The following PHACTR2 variants were observed in gnomAD, a reference collection of about 807,000 sequenced individuals.
PHACTR2 encodes chromosome 6 open reading frame 56.
PHACTR2 carries 30 observed loss-of-function variants against 76.0 expected under a neutral mutation model. The observed-to-expected ratio is 0.39, with a 90% CI of 0.30 to 0.54. PHACTR2 has a LOEUF of 0.54. Among genes scored for constraint, PHACTR2 ranks in the 20% least tolerant of loss-of-function variants. The probability of loss-of-function intolerance (pLI) is 0.61; values close to 1 mark genes in which losing one functional copy is unlikely to be tolerated. For synonymous variants in PHACTR2, 292 were observed against 292.5 expected (o/e 1.00, Z 0.02); for missense variants, 696 against 781.1 (o/e 0.89, Z 1.30).
At position 143,624,815 on chromosome 6, in the gene PHACTR2, C is replaced by T. The variant is rs1776225675; in HGVS notation, c.13+16493C>T. Among the ~76,000 whole-genome samples, 1 of 151,970 alleles carries T rather than the reference C, an allele frequency of 6.6e-6. No individual in the cohort carries two copies. The highest frequency in any genetic ancestry group is 2.4e-5 in the African/African-American group (1 of 41,370). On this transcript the variant is annotated intron_variant, in intron 1 of 11. Transcript: ENST00000305766. The surrounding 1 kb of genome is among the most constrained non-coding windows in gnomAD (Gnocchi z 4.6). ...TGTCATTGTGCCTACAAGCTGAGTA[C>T]AGTGTCAGATATCAGAGATGGAGAC... is the stretch of plus-strand genomic sequence containing the variant.
At position 143,782,294 on chromosome 6, in the gene PHACTR2, A is replaced by G. The variant is rs1775451132; in HGVS notation, c.1646-925A>G. Among the ~76,000 whole-genome samples the G allele has an allele frequency of 1.3e-5, 2 of 152,192 alleles. No homozygotes were observed. Among genetic ancestry groups the G allele is most frequent in the African/African-American group, 4.8e-5 (2 of 41,456 alleles). ...GTTTTCCTTTTTCAACCTTTTGGTC[A>G]AGGCTTTATATGGTGTTATTTTCCT... On this transcript the variant is annotated intron_variant, in intron 9 of 12. Transcript: ENST00000440869. The surrounding 1 kb of genome is among the most constrained non-coding windows in gnomAD (Gnocchi z 4.6).
At chr6:143,582,978 T>C (rs1775592216) in intron 1 of PHACTR2, among the ~76,000 whole-genome samples, 1 of 152,246 alleles carries the variant, frequency 6.6e-6, no homozygotes, top group African/African-American at 2.4e-5. Context: ...TAGAATTTAA[T>C]TTCAAACTCT....
chr6:143,752,688 C>T (rs1186224915), intron 3 of PHACTR2, among the ~76,000 whole-genome samples: 1 of 151,968 alleles, frequency 6.6e-6, no homozygotes, highest in Non-Finnish European at 1.5e-5. Flanking sequence ...ATTGTTAAGC[C>T]AAAGCAATTC....
At chr6:143,773,512 C>CT (rs1398690380) in intron 7 of PHACTR2, among the ~76,000 whole-genome samples, 1 of 145,792 alleles carries the variant, frequency 6.9e-6, no homozygotes, top group African/African-American at 2.6e-5. Flanking sequence ...TTTCAAATCC[C>CT]TTTTAATTTG....
Position 143,591,008 on chromosome 6 carries a change from G to A in PHACTR2, c.217+53801G>A, listed in dbSNP as rs971928374. Among the ~76,000 whole-genome samples, 9 of 152,070 alleles carry A rather than the reference G, an allele frequency of 5.9e-5. No individual in the cohort carries two copies. The highest frequency in any genetic ancestry group is 1.3e-4 in the Admixed American group (2 of 15,264). ...CGACGTGTATATCCTACCAACAGTC[G>A]GCCAAGTAGAATTGTACTTGTATAA... On this transcript the variant is annotated intron_variant, in intron 1 of 11. Transcript: ENST00000367584. The surrounding 1 kb of genome is among the most constrained non-coding windows in gnomAD (Gnocchi z 6.4).
chr6:143,745,703 C>T (rs1333018070), intron 2 of PHACTR2, among the ~76,000 whole-genome samples: 1 of 144,028 alleles, frequency 6.9e-6, no homozygotes, highest in South Asian at 2.4e-4. Context: ...AACATACTTT[C>T]CGTGCTCGGT....
rs1017246862 is a variant in PHACTR2, at chr6:143,761,406, A to G, written c.694+766A>G. On this transcript the variant is annotated intron_variant, in intron 5 of 12. Coordinates refer to ENST00000440869, the MANE Select transcript of PHACTR2 (RefSeq NM_001100164.2). The surrounding 1 kb of genome is among the most constrained non-coding windows in gnomAD (Gnocchi z 5.2). ...TGCTTGATGCAAAGTGGAAACTCCC[A>G]TTTTTTTAGTGAAGAGGAAGAAAGA... 4.6e-5 allele frequency among the ~76,000 whole-genome samples: 7 copies of G among 152,138 alleles called. No individual in the cohort carries two copies. Among genetic ancestry groups the G allele is most frequent in the Admixed American group, 2.6e-4 (4 of 15,270 alleles).
At chr6:143,714,338 C>T (rs546154788) in intron 2 of PHACTR2, among the ~76,000 whole-genome samples, 6 of 152,302 alleles carry the variant, frequency 3.9e-5, no homozygotes, top group South Asian at 2.1e-4. Flanking sequence ...TGTGTTCTGC[C>T]GCACAGCGAT....
At chr6:143,690,540 G>A (rs1441800713) in intron 1 of PHACTR2, among the ~76,000 whole-genome samples, 4 of 152,172 alleles carry the variant, frequency 2.6e-5, no homozygotes, top group African/African-American at 4.8e-5. Context: ...ATGCTTGGTC[G>A]AGAGCTTGGC....
rs1004606598 is a variant in PHACTR2, at chr6:143,742,391, C to T, written c.215-6594C>T. 2.6e-5 allele frequency among the ~76,000 whole-genome samples: 4 copies of T among 152,176 alleles called. No individual in the cohort carries two copies. The highest frequency in any genetic ancestry group is 7.2e-5 in the African/African-American group (3 of 41,420). ...TCTCCTCTTGCGGAGGCAAGGTGGC[C>T]ACTAGCCACTCTTGCTCATATTTGT... On this transcript the variant is annotated intron_variant, in intron 2 of 12. Coordinates refer to ENST00000440869, the MANE Select transcript of PHACTR2 (RefSeq NM_001100164.2). This position sits in a 1 kb window ranked among gnomAD's most constrained non-coding sequence, Gnocchi z 4.5.
At chr6:143,651,039 A>G (rs1776755519) in intron 1 of PHACTR2, among the ~76,000 whole-genome samples, 1 of 151,954 alleles carries the variant, frequency 6.6e-6, no homozygotes, top group Admixed American at 6.5e-5. Flanking sequence ...ACATGAACAG[A>G]CACTTTTTTT....
chr6:143,575,705 G>C (rs774905484), intron 1 of PHACTR2, among the ~76,000 whole-genome samples: 10 of 152,138 alleles, frequency 6.6e-5, no homozygotes, highest in Non-Finnish European at 1.2e-4. Context: ...AGCAATATGA[G>C]ATAAATTACT....
rs188136839 is a variant in PHACTR2 at position 143,783,626 on chromosome 6, T to A, written c.1707+346T>A. Among the ~76,000 whole-genome samples the A allele has an allele frequency of 9.2e-5, 14 of 152,088 alleles. No homozygotes were observed. Among genetic ancestry groups the A allele is most frequent in the African/African-American group, 2.7e-4 (11 of 41,504 alleles). ...AGAATGAGACCCTGTCTCAAAAAAATGAAATAAAATAAAATAAAACAAATC... is the reference window on the plus strand; with the variant it reads ...AGAATGAGACCCTGTCTCAAAAAAAAGAAATAAAATAAAATAAAACAAATC... On this transcript the variant is annotated intron_variant, in intron 10 of 12. Transcript: ENST00000440869. This position sits in a 1 kb window ranked among gnomAD's most constrained non-coding sequence, Gnocchi z 5.2.
rs1474371134 is a variant in PHACTR2, at chr6:143,784,157, C to T, written c.1707+877C>T. ...TTAAACAAGTAAGTAATTTGTTACT[C>T]CTGAAGATTTCCCACTATTCCACAT... On this transcript the variant is annotated intron_variant, in intron 10 of 12. Coordinates refer to ENST00000440869, the MANE Select transcript of PHACTR2 (RefSeq NM_001100164.2). The surrounding 1 kb of genome is among the most constrained non-coding windows in gnomAD (Gnocchi z 4.5). 1.3e-5 allele frequency among the ~76,000 whole-genome samples: 2 copies of T among 152,092 alleles called. No homozygotes were observed. The highest frequency in any genetic ancestry group is 2.4e-5 in the African/African-American group (1 of 41,418).
chr6:143,758,739 C>T (rs1779363813), intron 4 of PHACTR2, among the ~76,000 whole-genome samples: 1 of 152,132 alleles, frequency 6.6e-6, no homozygotes, highest in Non-Finnish European at 1.5e-5. Context: ...ACTTGGGCCA[C>T]AGTGACAGAA....
rs2128446801 is a variant in PHACTR2 at position 143,654,120 on chromosome 6, C to T, written c.13+45798C>T. Among the ~76,000 whole-genome samples the T allele has an allele frequency of 6.6e-6, 1 of 152,310 alleles. No individual in the cohort carries two copies. Among genetic ancestry groups the T allele is most frequent in the South Asian group, 2.1e-4 (1 of 4,818 alleles). ...AAACACATGAAAAGATGCTCAGCAT[C>T]ATTAACCATCAGGGAAATACAAATC... On this transcript the variant is annotated intron_variant, in intron 1 of 11. Coordinates refer to the PHACTR2 transcript ENST00000305766. This position sits in a 1 kb window ranked among gnomAD's most constrained non-coding sequence, Gnocchi z 4.6.
chr6:143,586,602 TGGCA>T (rs1246396273), intron 1 of PHACTR2, among the ~76,000 whole-genome samples: 1 of 152,232 alleles, frequency 6.6e-6, no homozygotes, highest in East Asian at 1.9e-4. Flanking sequence ...GTAGGCAAAG[TGGCA>T]GCCCAGGGCA....
intron 1 of PHACTR2, among the ~76,000 whole-genome samples, chr6:143,632,971 T>G (rs1413189246): frequency 1.3e-5 from 2 of 152,226 alleles, no homozygotes; most frequent in Admixed American, 6.5e-5. Context: ...AATATTCCAC[T>G]GTCTGGACAT....
chr6:143,694,848 G>A (rs1318593668), intron 1 of PHACTR2, among the ~76,000 whole-genome samples: 1 of 152,200 alleles, frequency 6.6e-6, no homozygotes, highest in Non-Finnish European at 1.5e-5. Context: ...GGCTTCCAAT[G>A]ATGTCTTCCT....
Sources: allele counts gnomAD v4.1 joint callset (sites outside exome capture counted in the v4.1 genomes callset), GRCh38; gene constraint gnomAD v4.1.1; non-coding constraint Gnocchi (gnomAD v3.1); transcripts MANE v1.5; gene names NCBI Gene and HGNC (gene_info 2026-07-23, HGNC 2026-07-21).